The following WNT10A variants were observed in gnomAD, a reference collection of about 807,000 sequenced individuals.
WNT10A encodes the protein Wnt family member 10A.
In WNT10A, 37 loss-of-function variants were observed where a neutral mutation model predicts 36.1. That is an observed-to-expected ratio of 1.02 (90% CI 0.79 to 1.35). The LOEUF is 1.35. WNT10A is among the 40% of genes most tolerant of loss of function. The pLI is 0.00. For synonymous variants in WNT10A, 255 were observed against 254.1 expected (o/e 1.00, Z -0.03); for missense variants, 613 against 601.4 (o/e 1.02, Z -0.20).
intron 3 of WNT10A, 130 bp downstream of exon 3, chr2:218,890,493 TG>T (rs1161730619): frequency 7.4e-7 from 1 of 1,349,004 alleles, no homozygotes. Flanking sequence ...TCGTTGACCC[TG>T]TCTAATTCAA....
rs1233970735 is a variant in WNT10A, at chr2:218,893,119, G to A, written c.1102G>A (p.Gly368Ser). 3 of 1,594,604 alleles carry A rather than the reference G, an allele frequency of 1.9e-6. No homozygotes were observed. Among genetic ancestry groups the A allele is most frequent in the Middle Eastern group, 1.7e-4 (1 of 5,808 alleles). The change falls in exon 4 of 4, where the codon GGC (glycine) becomes AGC (serine). Residue 368 changes from glycine (G) to serine (S), a missense_variant. Physicochemically the swap from Gly to Ser is moderately conservative, Grantham distance 56. Transcript: ENST00000258411. The surrounding 1 kb of genome is among the most constrained non-coding windows in gnomAD (Gnocchi z 6.3). ...VGRLCNKSSA[G>S]SDGCGSMCCG... ...CCGCCTGTGCAACAAGAGCAGCGCC[G>A]GCTCGGATGGCTGCGGCAGCATGTG...
chr2:218,883,257 A>G (rs1944538654), intron 2 of WNT10A, among the ~76,000 whole-genome samples: 1 of 151,810 alleles, frequency 6.6e-6, no homozygotes, highest in Non-Finnish European at 1.5e-5. Flanking sequence ...CTGGGTATCT[A>G]TCTCTCTTCT....
In WNT10A at chr2:218,890,304, G is replaced by A. The variant is rs121908118; in HGVS notation, c.697G>A (p.Glu233Lys). The A allele has an allele frequency of 2.4e-5, 39 of 1,604,426 alleles. No individual in the cohort carries two copies. The South Asian group carries it at 2.7e-4, about 11-fold the overall frequency. ...TTCTAAGGACTTTCTGGACTCCCGG[G>A]AGCCTCACAGAGACATCCACGCGAG... ...RFSKDFLDSR[E>K]PHRDIHARMR... The change falls in exon 3 of 4, where the codon GAG (glutamate) becomes AAG (lysine). Residue 233 changes from glutamate to lysine, a missense_variant. By Grantham distance (56) the Glu-to-Lys change is moderately conservative. Transcript: ENST00000258411.
intron 2 of WNT10A, among the ~76,000 whole-genome samples, chr2:218,886,622 C>T (rs1318134006): frequency 3.4e-5 from 5 of 145,726 alleles, no homozygotes; most frequent in African/African-American, 1.3e-4. Flanking sequence ...TAACGAGCCG[C>T]CCCCCACCCA....
chr2:218,888,775 G>A (rs1011358249), intron 2 of WNT10A, among the ~76,000 whole-genome samples: 9 of 152,192 alleles, frequency 5.9e-5, no homozygotes, highest in African/African-American at 2.2e-4. Context: ...GGCTATCTTG[G>A]GGCAGGGAGC....
the WNT10A span, chr2:218,874,377 A>G: frequency 1.3e-5 from 2 of 153,652 alleles, no homozygotes; most frequent in Non-Finnish European, 1.4e-5. Context: ...GAAACTCGCT[A>G]TCTCCCCTTG....
At chr2:218,889,391 G>C (rs780786785) in intron 2 of WNT10A, among the ~76,000 whole-genome samples, 4 of 152,202 alleles carry the variant, frequency 2.6e-5, no homozygotes, top group Non-Finnish European at 5.9e-5. Flanking sequence ...ACATGCGTGT[G>C]CAAGTATCTT....
upstream of WNT10A, among the ~76,000 whole-genome samples, chr2:218,879,358 C>CA (rs1435513744): frequency 6.6e-6 from 1 of 152,192 alleles, no homozygotes; most frequent in African/African-American, 2.4e-5. Context: ...GAGAGAGGGG[C>CA]ATGTTTGTGT....
intron 1 of WNT10A, among the ~76,000 whole-genome samples, chr2:218,881,854 G>A (rs964566460): frequency 2.6e-5 from 4 of 152,192 alleles, no homozygotes; most frequent in Non-Finnish European, 5.9e-5. Context: ...GGAACCCTGT[G>A]TGTATGGGCA....
At chr2:218,876,431 T>C (rs1442659489), upstream of WNT10A, among the ~76,000 whole-genome samples, 1 of 152,144 alleles carries the variant, frequency 6.6e-6, no homozygotes, top group African/African-American at 2.4e-5. Flanking sequence ...ATTCACTCGG[T>C]GACCTAGCCT....
chr2:218,891,902 G>C (rs950705072), intron 3 of WNT10A, among the ~76,000 whole-genome samples: 1 of 152,116 alleles, frequency 6.6e-6, no homozygotes, highest in Non-Finnish European at 1.5e-5. Context: ...AACTTCTTAC[G>C]GGGTTTCTGG....
intron 1 of WNT10A, among the ~76,000 whole-genome samples, chr2:218,881,681 T>C (rs1486541918): frequency 6.6e-6 from 1 of 152,098 alleles, no homozygotes; most frequent in Non-Finnish European, 1.5e-5. Context: ...GATGAACACA[T>C]GTGTAAATGG....
chr2:218,885,976 A>G (rs1427853850), intron 2 of WNT10A, among the ~76,000 whole-genome samples: 13 of 152,172 alleles, frequency 8.5e-5, no homozygotes, highest in Admixed American at 8.5e-4. Context: ...TATTATTATT[A>G]TTGTACAAAT....
the WNT10A span, among the ~76,000 whole-genome samples, chr2:218,874,628 A>G: frequency 6.6e-6 from 1 of 152,130 alleles, no homozygotes; most frequent in Non-Finnish European, 1.5e-5. Flanking sequence ...TCCTCCAGAG[A>G]GAAAGAGGGA....
intron 1 of WNT10A, 36 bp from the exon 2 acceptor site, chr2:218,882,125 C>T: frequency 8.1e-6 from 13 of 1,603,510 alleles, no homozygotes; most frequent in Non-Finnish European, 1.1e-5. Flanking sequence ...CTGGTCCCCC[C>T]AAAACACGTA....
At chr2:218,879,438 G>T (rs1257852590), upstream of WNT10A, among the ~76,000 whole-genome samples, 1 of 152,266 alleles carries the variant, frequency 6.6e-6, no homozygotes, top group Non-Finnish European at 1.5e-5. Flanking sequence ...CACTATCAGG[G>T]CCCAGGCTAG....
At chr2:218,890,963 C>G (rs1944643793) in intron 3 of WNT10A, among the ~76,000 whole-genome samples, 1 of 152,164 alleles carries the variant, frequency 6.6e-6, no homozygotes, top group Admixed American at 6.5e-5. Flanking sequence ...TAAATACATA[C>G]ACACATACAT....
At chr2:218,889,796 A>G (rs1457897966) in intron 2 of WNT10A, among the ~76,000 whole-genome samples, 188 bp from the exon 3 acceptor site, 1 of 152,166 alleles carries the variant, frequency 6.6e-6, no homozygotes, top group Non-Finnish European at 1.5e-5. Flanking sequence ...CTCCCACCCC[A>G]CCAGGTTCTG....
In WNT10A at chr2:218,882,385, G is replaced by A. The variant is rs749324327; in HGVS notation, c.338G>A (p.Arg113His). The change falls in exon 2 of 4, where the codon CGC (arginine) becomes CAC (histidine). Residue 113 changes from arginine to histidine, a missense_variant. Transcript: ENST00000258411. ...QRWNCSSLET[R>H]NKIPYESPIF... is the part of the protein sequence containing the mutation. ...TGGAACTGCTCAAGCCTGGAGACTC[G>A]CAACAAGATCCCCTATGAGAGTCCC... The A allele has an allele frequency of 1.4e-5, 23 of 1,614,076 alleles. No individual in the cohort carries two copies. The highest frequency in any genetic ancestry group is 1.3e-4 in the East Asian group (6 of 44,868).
Sources: gnomAD v4.1 joint callset for allele counts (sites outside exome capture counted in the v4.1 genomes callset) on GRCh38, gnomAD v4.1.1 for gene constraint, Gnocchi (gnomAD v3.1) non-coding constraint, MANE v1.5 for transcripts, NCBI Gene and HGNC (gene_info 2026-07-23, HGNC 2026-07-21) for gene names.